The following IGFBP2 variants were observed in gnomAD, a reference collection of about 807,000 sequenced individuals.
IGFBP2 encodes insulin-like growth factor-binding protein 2.
Under a neutral mutation model 26.2 loss-of-function variants are expected in IGFBP2, and 12 were observed. The ratio of observed to expected loss-of-function variants is 0.46; its 90% confidence interval spans 0.29 to 0.74. IGFBP2 has a LOEUF of 0.74. Ranked by LOEUF, IGFBP2 falls within the 30% of genes least tolerant of loss-of-function variation. The pLI is 0.09. For missense variants in IGFBP2, 328 were observed against 441.2 expected, an observed-to-expected ratio of 0.74 and a Z score of 2.30; for synonymous variants, 189 against 200.6, an observed-to-expected ratio of 0.94 and a Z score of 0.49.
intron 3 of IGFBP2, chr2:216,663,355 G>A (rs768457354): frequency 6.6e-6 from 1 of 152,266 alleles, no homozygotes; most frequent in Non-Finnish European, 1.5e-5. Context: ...CATCTCAGCT[G>A]TGCTTCTTAC....
In IGFBP2 at chr2:216,657,248, T is replaced by C. The variant is rs180699673; in HGVS notation, c.443-3309T>C. Reference sequence around the variant, plus strand: ...TCAGGTCTGGGGACAGAGAGGCCTGTCTGGGAAGGGCAGCGGGGCGGAGGC... The same window carrying C: ...TCAGGTCTGGGGACAGAGAGGCCTGCCTGGGAAGGGCAGCGGGGCGGAGGC... On this transcript the variant is annotated intron_variant, in intron 1 of 3. Coordinates refer to ENST00000233809, the MANE Select transcript of IGFBP2 (RefSeq NM_000597.3). Among the ~76,000 whole-genome samples, 12 of 152,110 alleles carry C rather than the reference T, an allele frequency of 7.9e-5. No individual in the cohort carries two copies. In the East Asian group the frequency reaches 2.3e-3, roughly 30 times the overall value.
At chr2:216,635,498 A>C (rs767514140) in intron 1 of IGFBP2, among the ~76,000 whole-genome samples, 55 of 152,184 alleles carry the variant, frequency 3.6e-4, no homozygotes, top group Non-Finnish European at 7.1e-4. Context: ...CAAACTAAAC[A>C]TCTTCCTCAG....
rs564028683 is a variant in IGFBP2, at chr2:216,648,602, T to A, written c.443-11955T>A. ...AGGGGTGGTTGGTGTGAGAGGTGAC[T>A]TTTTTGTTTTTGTTTTTATTTTTGA... is the stretch of plus-strand genomic sequence containing the variant. On this transcript the variant is annotated intron_variant, in intron 1 of 3. Transcript: ENST00000233809. Among the ~76,000 whole-genome samples, 47 of 152,160 alleles carry A rather than the reference T, an allele frequency of 3.1e-4. No homozygotes were observed. The South Asian group carries it at 9.8e-3, about 32-fold the overall frequency.
intron 1 of IGFBP2, among the ~76,000 whole-genome samples, chr2:216,660,194 T>C (rs1052676443): frequency 2.6e-5 from 4 of 152,170 alleles, no homozygotes; most frequent in African/African-American, 4.8e-5. Context: ...TGTGCCTCTG[T>C]TCTGCCCCAG....
intron 1 of IGFBP2, among the ~76,000 whole-genome samples, chr2:216,643,082 A>G (rs1022541042): frequency 5.3e-5 from 8 of 152,192 alleles, no homozygotes; most frequent in Admixed American, 2.0e-4. Flanking sequence ...CAGTGAGGGC[A>G]CCCGATGCCA....
At chr2:216,634,341 C>A (rs1379807018) in intron 1 of IGFBP2, among the ~76,000 whole-genome samples, 1 of 152,034 alleles carries the variant, frequency 6.6e-6, no homozygotes, top group Non-Finnish European at 1.5e-5. Context: ...GCTTGAGGAC[C>A]CAAGGGTCCT....
chr2:216,660,996 G>A, intron 2 of IGFBP2: 1 of 583,990 alleles, frequency 1.7e-6, no homozygotes, highest in Non-Finnish European at 3.0e-6. Flanking sequence ...GTGGTTTCTT[G>A]ATGTTCTTTC....
At chr2:216,637,954 C>T (rs1220139062) in intron 1 of IGFBP2, among the ~76,000 whole-genome samples, 5 of 152,036 alleles carry the variant, frequency 3.3e-5, no homozygotes, top group African/African-American at 9.7e-5. Flanking sequence ...TTTGGGAGGC[C>T]GAGGCAGGTG....
intron 3 of IGFBP2, chr2:216,663,352 G>A (rs1208288059): frequency 6.6e-6 from 1 of 152,272 alleles, no homozygotes; most frequent in Non-Finnish European, 1.5e-5. Flanking sequence ...TTCCATCTCA[G>A]CTGTGCTTCT....
In IGFBP2 at chr2:216,664,354, C is replaced by T. The variant is rs966558290; in HGVS notation, c.*250C>T. On this transcript the variant is annotated 3_prime_UTR_variant, in exon 4 of 4. Transcript: ENST00000233809. This position sits in a 1 kb window ranked among gnomAD's most constrained non-coding sequence, Gnocchi z 4.6. The stretch of plus-strand genomic sequence containing the variant: ...GGGTTGTGGTCGGGGAGCTGGGGTA[C>T]AGGTTTGGGGAGGGGGAAGAGAAAT... The T allele has an allele frequency of 6.7e-5, 26 of 390,356 alleles. No individual in the cohort carries two copies. Among genetic ancestry groups the T allele is most frequent in the African/African-American group, 4.5e-4 (22 of 49,422 alleles). The allele number at this position is 390,356 out of a possible 1,614,324, so 24.2% of individuals were successfully genotyped here.
chr2:216,633,703 G>T lies in IGFBP2; in HGVS notation c.180G>T (p.Pro60=). 8.4e-7 allele frequency: 1 copy of T among 1,186,558 alleles called. No individual in the cohort carries two copies. 73.5% of individuals were successfully genotyped at this position (1,186,558 alleles called of 1,614,324 possible). Residue 60 remains proline, a synonymous_variant, in exon 1 of 4, where the codon CCG becomes CCT. Transcript: ENST00000233809. ...LAACGPPPVA[P]PAAVAAVAGG... ...CCTGCGGGCCCCCGCCGGTTGCGCCGCCCGCCGCGGTGGCCGCAGTGGCCG... is the reference window on the plus strand; with the variant it reads ...CCTGCGGGCCCCCGCCGGTTGCGCCTCCCGCCGCGGTGGCCGCAGTGGCCG...
At chr2:216,660,189 C>T (rs534054604) in intron 1 of IGFBP2, among the ~76,000 whole-genome samples, 1 of 152,258 alleles carries the variant, frequency 6.6e-6, no homozygotes, top group African/African-American at 2.4e-5. Context: ...CTCTGTGTGC[C>T]TCTGTTCTGC....
chr2:216,639,685 C>T (rs1244715590), intron 1 of IGFBP2, among the ~76,000 whole-genome samples: 1 of 151,952 alleles, frequency 6.6e-6, no homozygotes, highest in Admixed American at 6.6e-5. Context: ...CTCTGTCACC[C>T]AGGCTGGAGT....
chr2:216,661,925 G>C lies in IGFBP2; in HGVS notation c.740G>C (p.Arg247Pro). 2 of 1,614,174 alleles carry C rather than the reference G, an allele frequency of 1.2e-6. No individual in the cohort carries two copies. The highest frequency in any genetic ancestry group is 1.7e-6 in the Non-Finnish European group (2 of 1,180,018). ...TCCACCATGCGCCTTCCGGATGAGC[G>C]GGGCCCTCTGGAGCACCTCTACTCC... ...RISTMRLPDE[R>P]GPLEHLYSLH... Residue 247 changes from arginine (R) to proline (P), a missense_variant, in exon 3 of 4, where the codon CGG becomes CCG. Physicochemically the swap from Arg to Pro is moderately radical, Grantham distance 103. Coordinates refer to ENST00000233809, the MANE Select transcript of IGFBP2 (RefSeq NM_000597.3).
chr2:216,656,095 C>G (rs765498704), intron 1 of IGFBP2, among the ~76,000 whole-genome samples: 10 of 152,016 alleles, frequency 6.6e-5, no homozygotes, highest in Admixed American at 6.6e-4. Flanking sequence ...CCTTCAGGCC[C>G]GAATGCACAT....
chr2:216,648,248 G>A (rs1009052488), intron 1 of IGFBP2, among the ~76,000 whole-genome samples: 1 of 152,152 alleles, frequency 6.6e-6, no homozygotes, highest in Non-Finnish European at 1.5e-5. Context: ...GCACCCTCTG[G>A]CAGCACCAGG....
chr2:216,636,518 G>T (rs1272644385), intron 1 of IGFBP2, among the ~76,000 whole-genome samples: 4 of 152,196 alleles, frequency 2.6e-5, no homozygotes, highest in African/African-American at 9.6e-5. Context: ...ATCCCACGGG[G>T]ACGATGGGCT....
intron 1 of IGFBP2, among the ~76,000 whole-genome samples, chr2:216,646,455 TG>T (rs1697711036): frequency 6.6e-6 from 1 of 152,222 alleles, no homozygotes. Context: ...GGGCTCTAGA[TG>T]AGGCAAAGGC....
At chr2:216,659,892 A>G (rs562131864) in intron 1 of IGFBP2, 41 of 725,168 alleles carry the variant, frequency 5.7e-5, no homozygotes, top group Admixed American at 1.8e-4. Context: ...GAGCAGCACT[A>G]TGGGACCTTA....
Sources: gnomAD v4.1 joint callset for allele counts (sites outside exome capture counted in the v4.1 genomes callset) on GRCh38, gnomAD v4.1.1 for gene constraint, Gnocchi (gnomAD v3.1) non-coding constraint, MANE v1.5 for transcripts, NCBI Gene and HGNC (gene_info 2026-07-23, HGNC 2026-07-21) for gene names.